Variants in PNLIPRP1 observed in about 807,000 individuals in gnomAD.
PNLIPRP1 encodes inactive pancreatic lipase-related protein 1.
PNLIPRP1 carries 57 observed loss-of-function variants against 54.6 expected under a neutral mutation model. That is an observed-to-expected ratio of 1.04 (90% confidence interval 0.84 to 1.30). PNLIPRP1 has a LOEUF of 1.30. PNLIPRP1 is among the 50% of genes most tolerant of loss of function. PNLIPRP1 has a pLI of 0.00. For missense variants in PNLIPRP1, 567 were observed against 568.5 expected (o/e 1.00, Z 0.03); for synonymous variants, 232 against 208.8 (o/e 1.11, Z -0.96).
intron 4 of PNLIPRP1, chr10:116,594,008 G>A (rs11197746): frequency 0.071 from 11,638 of 163,182 alleles, 773 homozygotes; most frequent in East Asian, 0.38. Context: ...AAAGTCCTGA[G>A]GAGAAAACTC....
intron 12 of PNLIPRP1, among the ~76,000 whole-genome samples, chr10:116,608,786 C>A (rs67322546): frequency 0.15 from 22,459 of 152,182 alleles, 2,055 homozygotes; most frequent in Admixed American, 0.2. Context: ...AGGTGAGAGT[C>A]CCTGCCTTCG....
intron 6 of PNLIPRP1, 106 bp from the exon 7 acceptor site, chr10:116,597,722 G>A: frequency 7.9e-7 from 1 of 1,265,556 alleles, no homozygotes; most frequent in Non-Finnish European, 1.1e-6. Flanking sequence ...CTGGTGCATG[G>A]TACCCATTGA....
intron 10 of PNLIPRP1, among the ~76,000 whole-genome samples, chr10:116,602,968 G>C (rs375089314): frequency 6.6e-6 from 1 of 151,110 alleles, no homozygotes; most frequent in Non-Finnish European, 1.5e-5. Flanking sequence ...CACATGTTGT[G>C]TATATGTATT....
intron 4 of PNLIPRP1, chr10:116,592,835 G>T: frequency 2.5e-6 from 1 of 404,466 alleles, no homozygotes; most frequent in Admixed American, 3.5e-5. Flanking sequence ...TATAAGCGAG[G>T]GACTATAGGG....
intron 8 of PNLIPRP1, among the ~76,000 whole-genome samples, chr10:116,598,671 G>A (rs1554864349): frequency 6.6e-6 from 1 of 152,204 alleles, no homozygotes; most frequent in Non-Finnish European, 1.5e-5. Flanking sequence ...TAGGAATGAG[G>A]AGCAATCACA....
At chr10:116,608,446 G>A (rs1847973440) in intron 12 of PNLIPRP1, among the ~76,000 whole-genome samples, 1 of 152,160 alleles carries the variant, frequency 6.6e-6, no homozygotes, top group Admixed American at 6.5e-5. Context: ...GGTCAAGGAA[G>A]GCTTGATGTG....
rs371323107 is a variant in PNLIPRP1, at chr10:116,601,246, G to C, written c.1063+45G>C. The C allele has an allele frequency of 3.0e-5, 47 of 1,555,468 alleles. 1 individual carries two copies. Among genetic ancestry groups the C allele is most frequent in the Admixed American group, 7.6e-5 (4 of 52,864 alleles). ...CCTGCCCATGTAAAGAAAGTATATA[G>C]TTTCTGTTACAAATGAGGGGCTTGC... On this transcript the variant is annotated intron_variant, in intron 10 of 12. Transcript: ENST00000358834.
Position 116,592,576 on chromosome 10 carries a change from G to A in PNLIPRP1, c.330+35G>A, listed in dbSNP as rs782406174. The A allele has an allele frequency of 9.9e-6, 16 of 1,613,326 alleles. No homozygotes were observed. In the Middle Eastern group the frequency reaches 6.6e-4, roughly 67 times the overall value. ...AGCTCTGATCCCTGTGGCCAGCTGA[G>A]GCCAACACTTCTGCTAACATCTCTG... On this transcript the variant is annotated intron_variant, in intron 4 of 12. Coordinates refer to ENST00000358834, the MANE Select transcript of PNLIPRP1 (RefSeq NM_006229.4).
rs573209220 is a variant in PNLIPRP1 at position 116,608,017 on chromosome 10, G to A, written c.1341-1036G>A. Among the ~76,000 whole-genome samples the A allele has an allele frequency of 6.6e-5, 10 of 152,124 alleles. No individual in the cohort carries two copies. The East Asian group carries it at 7.8e-4, about 12-fold the overall frequency. The stretch of plus-strand genomic sequence containing the variant: ...ATTACAGGCATGCACCACCACGCCC[G>A]GCTAATTTTTGTATTTTTAGTAGAG... On this transcript the variant is annotated intron_variant, in intron 12 of 12. Transcript: ENST00000358834.
chr10:116,596,322 G>C lies in PNLIPRP1; in HGVS notation c.574G>C (p.Gly192Arg). Residue 192 changes from glycine to arginine, a missense_variant and splice_region_variant, in exon 6 of 13, where the codon GGG becomes CGG. By Grantham distance (125) the Gly-to-Arg change is moderately radical. Coordinates refer to ENST00000358834, the MANE Select transcript of PNLIPRP1 (RefSeq NM_006229.4). ...GACTCCAGGCCTGAGCAGGATTACA[G>C]GTAAGGCCCCAGAGGCAGGGCCCCA... ...SKTPGLSRITGLDPVEASFES... is the reference protein window; with the variant it reads ...SKTPGLSRITRLDPVEASFES... The C allele has an allele frequency of 6.3e-7, 1 of 1,594,146 alleles. No individual in the cohort carries two copies. The highest frequency in any genetic ancestry group is 8.6e-7 in the Non-Finnish European group (1 of 1,162,924).
At position 116,601,045 on chromosome 10, in the gene PNLIPRP1, A is replaced by T. The variant is rs781976473; in HGVS notation, c.934-27A>T. 5.0e-6 allele frequency: 8 copies of T among 1,591,746 alleles called. No homozygotes were observed. In the Admixed American group the frequency reaches 1.4e-4, roughly 29 times the overall value. On this transcript the variant is annotated intron_variant, in intron 9 of 12. Coordinates refer to ENST00000358834, the MANE Select transcript of PNLIPRP1 (RefSeq NM_006229.4). ...GATCATACAAACACAAATTCTCCTT[A>T]CAGTCCCATCTATCTCTTCTCATTA... is the stretch of plus-strand genomic sequence containing the variant.
chr10:116,596,309 G>C lies in PNLIPRP1; in HGVS notation c.561G>C (p.Leu187=), dbSNP rs1554863960. 4 of 1,609,440 alleles carry C rather than the reference G, an allele frequency of 2.5e-6. No individual in the cohort carries two copies. Among genetic ancestry groups the C allele is most frequent in the Non-Finnish European group, 3.4e-6 (4 of 1,175,968 alleles). The change falls in exon 6 of 13, where the codon CTG becomes CTC. Residue 187 remains leucine (L), a synonymous_variant. Transcript: ENST00000358834. ...AGEAGSKTPG[L]SRITGLDPVE... is the part of the protein sequence containing the mutation. ...AGGCAGGAAGCAAGACTCCAGGCCT[G>C]AGCAGGATTACAGGTAAGGCCCCAG...
chr10:116,606,400 G>T (rs1011960929), intron 12 of PNLIPRP1, among the ~76,000 whole-genome samples: 1 of 152,180 alleles, frequency 6.6e-6, no homozygotes, highest in Non-Finnish European at 1.5e-5. Flanking sequence ...GGTGGTGGGT[G>T]GAACCAGGAG....
chr10:116,594,059 A>C (rs1847690739), intron 4 of PNLIPRP1: 2 of 293,278 alleles, frequency 6.8e-6, no homozygotes, highest in South Asian at 6.2e-5. Flanking sequence ...TTAGTATACT[A>C]TATGTGGAAT....
chr10:116,600,990 A>C, intron 9 of PNLIPRP1, 82 bp from the exon 10 acceptor site: 1 of 1,310,906 alleles, frequency 7.6e-7, no homozygotes, highest in Non-Finnish European at 1.1e-6. Flanking sequence ...GGCTGTAGGA[A>C]AATTGAGTGT....
chr10:116,607,148 T>C lies in PNLIPRP1; in HGVS notation c.1340+1595T>C, dbSNP rs112506006. Among the ~76,000 whole-genome samples, 226 of 152,238 alleles carry C rather than the reference T, an allele frequency of 1.5e-3. 1 individual carries two copies. Among genetic ancestry groups the C allele is most frequent in the African/African-American group, 4.9e-3 (204 of 41,542 alleles). On this transcript the variant is annotated intron_variant, in intron 12 of 12. Coordinates refer to ENST00000358834, the MANE Select transcript of PNLIPRP1 (RefSeq NM_006229.4). Reference sequence around the variant, plus strand: ...TGGGGTTTCAATTCCTACTAAGGAATCTGCCGACTAGGATTCCCTCCAATG... The same window carrying C: ...TGGGGTTTCAATTCCTACTAAGGAACCTGCCGACTAGGATTCCCTCCAATG...
At position 116,592,350 on chromosome 10, in the gene PNLIPRP1, T is replaced by A. The variant is rs1420485011; in HGVS notation, c.205-66T>A. ...GTAGAGGCATTGGCGCAGGCGGAGA[T>A]GAGGAAGGAAAAAGGCCTGTGAGGC... On this transcript the variant is annotated intron_variant, in intron 3 of 12. Transcript: ENST00000358834. 8 of 1,518,508 alleles carry A rather than the reference T, an allele frequency of 5.3e-6. No homozygotes were observed. The Admixed American group carries it at 1.5e-4, about 28-fold the overall frequency. The allele number at this position is 1,518,508 out of a possible 1,614,324, so 94.1% of individuals were successfully genotyped here.
Position 116,604,064 on chromosome 10 carries a change from A to G in PNLIPRP1, c.1098A>G (p.Gly366=). The change falls in exon 11 of 13, where the codon GGA becomes GGG. Residue 366 remains glycine (G), a synonymous_variant. Transcript: ENST00000358834. ...ATGGGGTTTCCATCACACTGTCTGG[A>G]AGAACAGCCACTGGTCAGATCAAAG... The part of the protein sequence containing the change: ...WRYGVSITLS[G]RTATGQIKVA... 1 of 1,613,706 alleles carries G rather than the reference A, an allele frequency of 6.2e-7. No homozygotes were observed.
intron 6 of PNLIPRP1, among the ~76,000 whole-genome samples, chr10:116,597,418 G>A (rs782696225): frequency 3.2e-4 from 49 of 152,142 alleles, no homozygotes; most frequent in Non-Finnish European, 5.9e-4. Flanking sequence ...AAGCAGCTGA[G>A]TAGGAATTTG....
Sources: allele counts gnomAD v4.1 joint callset (sites outside exome capture counted in the v4.1 genomes callset), GRCh38; gene constraint gnomAD v4.1.1; transcripts MANE v1.5; gene names NCBI Gene and HGNC (gene_info 2026-07-23, HGNC 2026-07-21).